CIITA: variants seen among roughly 807,000 people sequenced by gnomAD.
The protein encoded by CIITA is class II major histocompatibility complex transactivator, also known as MHC class II transactivator.
A neutral mutation model predicts 115.1 loss-of-function variants in CIITA; 72 were observed. That is an observed-to-expected ratio of 0.63 (90% confidence interval 0.52 to 0.76). The LOEUF (loss-of-function observed/expected upper bound fraction) is 0.76, where lower values mean the gene tolerates loss of function less well. Among genes scored for constraint, CIITA ranks in the 30% least tolerant of loss-of-function variants. CIITA has a pLI of 0.00. For missense variants in CIITA, 1,617 were observed against 1,463.8 expected, an observed-to-expected ratio of 1.10 and a Z score of -1.71; for synonymous variants, 763 against 635.6, an observed-to-expected ratio of 1.20 and a Z score of -3.02.
At chr16:10,911,511 T>A (rs2039580440) in intron 13 of CIITA, among the ~76,000 whole-genome samples, 1 of 149,584 alleles carries the variant, frequency 6.7e-6, no homozygotes, top group Admixed American at 6.7e-5. Context: ...TTTCCTTCCC[T>A]CCCTTCCTTC....
rs902002556 is a variant in CIITA at position 10,879,977 on chromosome 16, GC to G, written c.52+2596del. Among the ~76,000 whole-genome samples the G allele has an allele frequency of 1.3e-5, 2 of 152,178 alleles. No individual in the cohort carries two copies. Among genetic ancestry groups the G allele is most frequent in the Non-Finnish European group, 2.9e-5 (2 of 68,028 alleles). ...CCGCAGCCTGGAGTGTCTAACTTTGGCAGGAAGTCTTCCGTTTCTGCTCCCC... is the reference window on the plus strand; with the variant it reads ...CCGCAGCCTGGAGTGTCTAACTTTGGAGGAAGTCTTCCGTTTCTGCTCCCC... On this transcript the variant is annotated intron_variant, in intron 1 of 19. Coordinates refer to ENST00000324288, the MANE Select transcript of CIITA (RefSeq NM_000246.4). This position sits in a 1 kb window ranked among gnomAD's most constrained non-coding sequence, Gnocchi z 4.3.
chr16:10,911,550 TCTTTC>T (rs2039584596), intron 13 of CIITA, among the ~76,000 whole-genome samples: 1 of 84,102 alleles, frequency 1.2e-5, no homozygotes, highest in African/African-American at 3.6e-5. Context: ...CCTTTCCTTT[TCTTTC>T]CTTTTCTTTT....
At chr16:10,918,604 G>T in intron 16 of CIITA, 78 bp downstream of exon 16, 3 of 1,284,762 alleles carry the variant, frequency 2.3e-6, no homozygotes, top group South Asian at 1.2e-5. Flanking sequence ...CGTGCTGGCT[G>T]CAGGGGACAC....
In CIITA at chr16:10,909,131, C is replaced by T. The variant is rs1039869401; in HGVS notation, c.2760C>T (p.Phe920=). 6.2e-7 allele frequency: 1 copy of T among 1,614,218 alleles called. No individual in the cohort carries two copies. Among genetic ancestry groups the T allele is most frequent in the African/African-American group, 1.3e-5 (1 of 75,056 alleles). Residue 920 remains phenylalanine (F), a synonymous_variant, in exon 12 of 20, where the codon TTC becomes TTT. Coordinates refer to ENST00000324288, the MANE Select transcript of CIITA (RefSeq NM_000246.4). ...AGGAGAAGTTCACCATCGAGCCTTT[C>T]AAAGCCAAGTCCCTGAAGGATGTGG... ...AAEEKFTIEP[F]KAKSLKDVED...
At chr16:10,936,448 G>C (rs968952595), downstream of CIITA, 1 of 152,140 alleles carries the variant, frequency 6.6e-6, no homozygotes, top group Non-Finnish European at 1.5e-5. Context: ...ATATACACAT[G>C]TGTGCATATA....
chr16:10,941,901 G>T lies in CIITA; in HGVS notation n.1027G>T. ...CGTAGTACAGGATCAGCACATTGAC[G>T]AAGAACAGGCCCACGTAGAACATAG... On this transcript the variant is annotated non_coding_transcript_exon_variant, in exon 2 of 2. Transcript: ENST00000573379. This position sits in a 1 kb window ranked among gnomAD's most constrained non-coding sequence, Gnocchi z 6.4. 1 of 1,609,038 alleles carries T rather than the reference G, an allele frequency of 6.2e-7. No individual in the cohort carries two copies.
chr16:10,881,581 C>T (rs2036437214), intron 1 of CIITA, among the ~76,000 whole-genome samples: 1 of 152,114 alleles, frequency 6.6e-6, no homozygotes, highest in African/African-American at 2.4e-5. Context: ...AACATTGTTT[C>T]TTTTTCAACC....
intron 12 of CIITA, 139 bp downstream of exon 12, chr16:10,909,326 T>C (rs893745488): frequency 3.3e-6 from 3 of 921,298 alleles, no homozygotes; most frequent in African/African-American, 3.3e-5. Context: ...GGGCAATGGC[T>C]AACCAGAGTC....
At chr16:10,891,626 T>C (rs1480898883) in intron 1 of CIITA, among the ~76,000 whole-genome samples, 1 of 152,096 alleles carries the variant, frequency 6.6e-6, no homozygotes, top group East Asian at 1.9e-4. Context: ...CAATGTAGGT[T>C]CTTAATAAAG....
At chr16:10,876,558 T>C (rs72770014), upstream of CIITA, among the ~76,000 whole-genome samples, 551 of 152,330 alleles carry the variant, frequency 3.6e-3, 1 homozygote, top group Non-Finnish European at 5.9e-3. Context: ...ACCAGGAGGA[T>C]GGGCAGAGAC....
At chr16:10,895,933 G>A (rs2038081699) in intron 3 of CIITA, among the ~76,000 whole-genome samples, 169 bp downstream of exon 3, 1 of 152,080 alleles carries the variant, frequency 6.6e-6, no homozygotes, top group South Asian at 2.1e-4. Flanking sequence ...AGGGAAGAGA[G>A]GGGAGATGGA....
rs1020861421 is a variant in CIITA at position 10,942,948 on chromosome 16, A to G, written n.2074A>G. 1 of 152,206 alleles carries G rather than the reference A, an allele frequency of 6.6e-6. No individual in the cohort carries two copies. Among genetic ancestry groups the G allele is most frequent in the Non-Finnish European group, 1.5e-5 (1 of 68,038 alleles). 9.4% of individuals were successfully genotyped at this position (152,206 alleles called of 1,614,324 possible). A position where few individuals can be genotyped will look rare whatever the true frequency, so the allele number is the denominator to read the frequency against. On this transcript the variant is annotated non_coding_transcript_exon_variant, in exon 2 of 2. Transcript: ENST00000573379. This position sits in a 1 kb window ranked among gnomAD's most constrained non-coding sequence, Gnocchi z 5.0. ...CTGGTTGCTGGAAGGTCCGCCCACT[A>G]CGGAACCTGCATCCTAGAGTTAAGG...
rs1353941175 is a variant in CIITA at position 10,901,971 on chromosome 16, G to C, written c.482-67G>C. The C allele has an allele frequency of 6.3e-7, 1 of 1,599,132 alleles. No homozygotes were observed. The highest frequency in any genetic ancestry group is 1.3e-5 in the African/African-American group (1 of 74,574). On this transcript the variant is annotated intron_variant, in intron 6 of 19. Transcript: ENST00000324288. This position sits in a 1 kb window ranked among gnomAD's most constrained non-coding sequence, Gnocchi z 6.8. ...CAGGAGAGACATCCATGCCACTCCA[G>C]GGCCCTCCCCATCCCAGGAAGGCCC...
At chr16:10,876,028 T>A (rs2035814165), upstream of CIITA, among the ~76,000 whole-genome samples, 1 of 152,012 alleles carries the variant, frequency 6.6e-6, no homozygotes, top group Non-Finnish European at 1.5e-5. Context: ...CAGGTGCCTG[T>A]AATCCCAGCT....
At position 10,923,156 on chromosome 16, in the gene CIITA, G is replaced by A. The variant is rs376858657; in HGVS notation, c.3318-72G>A. 89 of 1,266,534 alleles carry A rather than the reference G, an allele frequency of 7.0e-5. 1 individual carries two copies. In the African/African-American group the frequency reaches 1.2e-3, roughly 17 times the overall value. 78.5% of individuals were successfully genotyped at this position (1,266,534 alleles called of 1,614,324 possible). ...GGCTGGGTGGAAGGAGGGATTTGGG[G>A]GCAGCTGTCACTGGGGCCCCAGGCC... On this transcript the variant is annotated intron_variant, in intron 18 of 19. Transcript: ENST00000324288. The surrounding 1 kb of genome is among the most constrained non-coding windows in gnomAD (Gnocchi z 5.2).
chr16:10,877,510 CTGGG>C, intron 1 of CIITA, 128 bp downstream of exon 1: 1 of 971,590 alleles, frequency 1.0e-6, no homozygotes, highest in Non-Finnish European at 1.6e-6. Context: ...CTGTGTCCTG[CTGGG>C]GCAGGCCATT....
At position 10,877,384 on chromosome 16, in the gene CIITA, T is replaced by C; in HGVS notation, c.52+2T>C. The C allele has an allele frequency of 6.2e-7, 1 of 1,612,596 alleles. No individual in the cohort carries two copies. Among genetic ancestry groups the C allele is most frequent in the Non-Finnish European group, 8.5e-7 (1 of 1,179,302 alleles). On this transcript the variant is annotated splice_donor_variant, in intron 1 of 19. Coordinates refer to ENST00000324288, the MANE Select transcript of CIITA (RefSeq NM_000246.4). LOFTEE classifies it high-confidence loss of function. Reference sequence around the variant, plus strand: ...GGTCCTACCTGTCAGAGCCCCAAGGTAAAAAGGCCGGGAAAGCATCTTAAT... The same window carrying C: ...GGTCCTACCTGTCAGAGCCCCAAGGCAAAAAGGCCGGGAAAGCATCTTAAT...
intron 9 of CIITA, 117 bp downstream of exon 9, chr16:10,904,012 T>C: frequency 2.2e-6 from 3 of 1,389,926 alleles, no homozygotes; most frequent in Non-Finnish European, 3.0e-6. Context: ...AGGTCATGTT[T>C]AGGGGTCAGT....
intron 1 of CIITA, among the ~76,000 whole-genome samples, chr16:10,880,407 T>C (rs1378087564): frequency 6.6e-6 from 1 of 152,220 alleles, no homozygotes; most frequent in Non-Finnish European, 1.5e-5. Flanking sequence ...TGGGAGGCGC[T>C]GATGTGGTCT....
Sources: gnomAD v4.1 joint callset for allele counts (sites outside exome capture counted in the v4.1 genomes callset) on GRCh38, gnomAD v4.1.1 for gene constraint, Gnocchi (gnomAD v3.1) non-coding constraint, MANE v1.5 for transcripts, NCBI Gene and HGNC (gene_info 2026-07-23, HGNC 2026-07-21) for gene names.